The following SUPT3H variants were observed in gnomAD, a reference collection of about 807,000 sequenced individuals.
SUPT3H encodes SPT3 homolog, SAGA and STAGA complex component, also known as transcription initiation protein SPT3 homolog.
SUPT3H carries 44 observed loss-of-function variants against 44.3 expected under a neutral mutation model. That is an observed-to-expected ratio of 0.99 (90% CI 0.78 to 1.28). The LOEUF is 1.28. Among genes scored for constraint, SUPT3H ranks in the 50% most tolerant of loss-of-function variants. SUPT3H has a pLI of 0.00. For synonymous variants in SUPT3H, 124 were observed against 125.6 expected (o/e 0.99, Z 0.09); for missense variants, 380 against 387.1 (o/e 0.98, Z 0.15).
chr6:45,154,072 G>GAAAAAAAAAAAAAAAAAAAA (rs796547480), intron 2 of SUPT3H, among the ~76,000 whole-genome samples: 5 of 17,984 alleles, frequency 2.8e-4, no homozygotes, highest in Non-Finnish European at 1.4e-3. Context: ...TCTGTCTCAA[G>GAAAAAAAAAAAAAAAAAAAA]AAAAAAAAAA....
intron 10 of SUPT3H, among the ~76,000 whole-genome samples, chr6:44,919,710 C>T (rs140152973): frequency 3.0e-4 from 46 of 152,178 alleles, no homozygotes; most frequent in Non-Finnish European, 4.3e-4. Flanking sequence ...TTATTCTATA[C>T]GGCAAATATA....
chr6:44,997,011 A>G (rs1445243131), intron 6 of SUPT3H, among the ~76,000 whole-genome samples: 1 of 151,714 alleles, frequency 6.6e-6, no homozygotes. Context: ...TTACACTAGT[A>G]CCACACTATT....
At chr6:45,178,418 C>G (rs555887301) in intron 2 of SUPT3H, among the ~76,000 whole-genome samples, 39 of 151,940 alleles carry the variant, frequency 2.6e-4, no homozygotes, top group East Asian at 3.9e-4. Flanking sequence ...CCTAAAGCAA[C>G]TCCTGAGTGA....
At chr6:45,314,878 T>C (rs935197568) in intron 2 of SUPT3H, among the ~76,000 whole-genome samples, 5 of 152,090 alleles carry the variant, frequency 3.3e-5, no homozygotes, top group African/African-American at 1.2e-4. Context: ...TATTACCTGA[T>C]TTCAAAATAT....
chr6:45,111,033 CT>C (rs5875909), intron 2 of SUPT3H, among the ~76,000 whole-genome samples: 62,756 of 129,696 alleles, frequency 0.48, 14,013 homozygotes, highest in East Asian at 0.67. Context: ...ACAAACGATA[CT>C]TTTTTTTTTT....
intron 3 of SUPT3H, among the ~76,000 whole-genome samples, chr6:45,025,605 C>T (rs62436437): frequency 6.6e-6 from 1 of 152,120 alleles, no homozygotes; most frequent in Non-Finnish European, 1.5e-5. Context: ...CAGAATTGGC[C>T]GGGCGCGGTG....
At chr6:45,241,407 A>G (rs149262077) in intron 2 of SUPT3H, among the ~76,000 whole-genome samples, 20 of 152,232 alleles carry the variant, frequency 1.3e-4, no homozygotes, top group African/African-American at 4.1e-4. Context: ...TGGCATGAGC[A>G]ATCTGTGCCT....
At chr6:45,058,977 C>T (rs1480021872) in intron 3 of SUPT3H, among the ~76,000 whole-genome samples, 1 of 152,026 alleles carries the variant, frequency 6.6e-6, no homozygotes, top group Non-Finnish European at 1.5e-5. Context: ...GCACTTTGTA[C>T]CTTTTTCTTT....
chr6:45,365,709 C>G (rs200804889), intron 1 of SUPT3H, among the ~76,000 whole-genome samples: 2 of 148,848 alleles, frequency 1.3e-5, no homozygotes, highest in African/African-American at 5.0e-5. Context: ...ATTCAGGCCA[C>G]GGAACAACCC....
chr6:45,282,759 G>C (rs944378776), intron 2 of SUPT3H, among the ~76,000 whole-genome samples: 6 of 152,120 alleles, frequency 3.9e-5, no homozygotes, highest in Admixed American at 3.3e-4. Flanking sequence ...TCCTCGAGAA[G>C]AGCAACTCCA....
chr6:44,914,693 T>C (rs1322648920), intron 10 of SUPT3H, among the ~76,000 whole-genome samples: 1 of 152,214 alleles, frequency 6.6e-6, no homozygotes, highest in Non-Finnish European at 1.5e-5. Context: ...TTGGACTCTA[T>C]CAGGTGGCTG....
chr6:45,331,618 C>T (rs753081319), intron 2 of SUPT3H, among the ~76,000 whole-genome samples: 5 of 151,736 alleles, frequency 3.3e-5, no homozygotes, highest in Non-Finnish European at 7.4e-5. Context: ...TATAATAATC[C>T]TAATTTTACA....
intron 2 of SUPT3H, among the ~76,000 whole-genome samples, chr6:45,266,472 G>A (rs1775286775): frequency 6.6e-6 from 1 of 151,656 alleles, no homozygotes. Flanking sequence ...TAGGATTGAT[G>A]AATACACTTA....
chr6:44,821,179 T>G (rs1046276465), intron 11 of SUPT3H, among the ~76,000 whole-genome samples: 3 of 152,194 alleles, frequency 2.0e-5, no homozygotes, highest in Non-Finnish European at 4.4e-5. Context: ...ATTTCATGTA[T>G]GGCTTGAAGA....
At chr6:45,253,764 G>T (rs113570931) in intron 2 of SUPT3H, among the ~76,000 whole-genome samples, 1 of 150,130 alleles carries the variant, frequency 6.7e-6, no homozygotes, top group Non-Finnish European at 1.5e-5. Flanking sequence ...CTACACCCGA[G>T]GCAACAGACC....
intron 3 of SUPT3H, among the ~76,000 whole-genome samples, chr6:45,045,444 T>C (rs1789234754): frequency 6.6e-6 from 1 of 152,184 alleles, no homozygotes; most frequent in Non-Finnish European, 1.5e-5. Context: ...TAAATGCAGA[T>C]CTGCTTATCT....
chr6:45,099,551 A>C (rs1250101330), intron 3 of SUPT3H, among the ~76,000 whole-genome samples: 1 of 152,146 alleles, frequency 6.6e-6, no homozygotes, highest in East Asian at 1.9e-4. Flanking sequence ...CAGAATAATT[A>C]TCTCTTCTTA....
rs73735323 is a variant in SUPT3H at position 45,238,485 on chromosome 6, C to T, written c.101+126716G>A. On this transcript the variant is annotated intron_variant, in intron 2 of 10. Coordinates refer to ENST00000371459, the MANE Select transcript of SUPT3H (RefSeq NM_003599.4). ...ACCCTTAGAGGAGATCCTAGTCTCA[C>T]TAGCCCTTGGCAATTAACAAAGGAG... Among the ~76,000 whole-genome samples, 593 of 152,330 alleles carry T rather than the reference C, an allele frequency of 3.9e-3. 7 individuals are homozygous for T. Among genetic ancestry groups the T allele is most frequent in the African/African-American group, 0.014 (565 of 41,580 alleles).
intron 2 of SUPT3H, among the ~76,000 whole-genome samples, chr6:45,233,389 T>C (rs1768440226): frequency 6.6e-6 from 1 of 152,172 alleles, no homozygotes; most frequent in African/African-American, 2.4e-5. Flanking sequence ...GTCACTCAAG[T>C]CTCAGGTGTG....
Sources: allele counts gnomAD v4.1 joint callset (sites outside exome capture counted in the v4.1 genomes callset), GRCh38; gene constraint gnomAD v4.1.1; transcripts MANE v1.5; gene names NCBI Gene and HGNC (gene_info 2026-07-23, HGNC 2026-07-21).